MMP16: variants seen among roughly 807,000 people sequenced by gnomAD.
MMP16 encodes the protein matrix metallopeptidase 16, also known as matrix metalloproteinase-16.
MMP16 carries 12 observed loss-of-function variants against 67.8 expected under a neutral mutation model. The observed-to-expected ratio is 0.18, with a 90% CI of 0.11 to 0.29. The LOEUF (loss-of-function observed/expected upper bound fraction) is 0.29. MMP16 is among the 10% of genes least tolerant of loss of function. MMP16 has a pLI of 1.00. For synonymous variants in MMP16, 249 were observed against 255.9 expected (o/e 0.97, Z 0.26); for missense variants, 475 against 765.7 (o/e 0.62, Z 4.48).
intron 1 of MMP16, among the ~76,000 whole-genome samples, chr8:88,258,203 T>C (rs941692686): frequency 1.3e-5 from 2 of 152,184 alleles, no homozygotes; most frequent in African/African-American, 4.8e-5. Context: ...TCCCTCCTGA[T>C]TGCTTTGTCC....
intron 6 of MMP16, among the ~76,000 whole-genome samples, chr8:88,082,425 C>G (rs1808767368): frequency 1.3e-5 from 2 of 152,042 alleles, no homozygotes; most frequent in Admixed American, 1.3e-4. Flanking sequence ...TGTCAATCCA[C>G]TTCAAATTAA....
chr8:88,101,181 G>A (rs1027668112), intron 6 of MMP16, among the ~76,000 whole-genome samples: 1 of 151,678 alleles, frequency 6.6e-6, no homozygotes. Context: ...AAAAAACTCA[G>A]GCTCAACAGT....
chr8:88,307,599 T>C (rs932891429), intron 1 of MMP16, among the ~76,000 whole-genome samples: 4 of 152,060 alleles, frequency 2.6e-5, no homozygotes, highest in Non-Finnish European at 4.4e-5. Flanking sequence ...TCTTAATTCT[T>C]TTTTAGGTTA....
intron 3 of MMP16, 58 bp from the exon 4 acceptor site, chr8:88,168,031 G>GT: frequency 7.5e-7 from 1 of 1,333,586 alleles, no homozygotes; most frequent in Non-Finnish European, 1.0e-6. Context: ...CTTAGTACAG[G>GT]TTTTGATCGA....
chr8:88,045,691 TCA>T (rs774418588), intron 9 of MMP16, among the ~76,000 whole-genome samples: 110 of 152,252 alleles, frequency 7.2e-4, no homozygotes, highest in Non-Finnish European at 1.3e-3. Context: ...TTAAGGTCAA[TCA>T]CAGTTTTCAG....
intron 4 of MMP16, among the ~76,000 whole-genome samples, chr8:88,164,692 T>C (rs1808683390): frequency 6.6e-6 from 1 of 152,016 alleles, no homozygotes; most frequent in Non-Finnish European, 1.5e-5. Context: ...AAAGACATAG[T>C]TTCCTCCAAA....
At chr8:88,108,960 C>CT (rs1437650971) in intron 6 of MMP16, among the ~76,000 whole-genome samples, 7 of 151,186 alleles carry the variant, frequency 4.6e-5, no homozygotes, top group African/African-American at 1.5e-4. Flanking sequence ...ATTAGATCCA[C>CT]TTAATTGAGA....
chr8:88,148,839 C>A (rs569940533), intron 4 of MMP16, among the ~76,000 whole-genome samples: 1 of 152,200 alleles, frequency 6.6e-6, no homozygotes, highest in Non-Finnish European at 1.5e-5. Context: ...ATCAGAAATA[C>A]GTGTATTATG....
intron 1 of MMP16, among the ~76,000 whole-genome samples, chr8:88,297,959 A>G (rs892400305): frequency 1.3e-5 from 2 of 152,212 alleles, no homozygotes; most frequent in Non-Finnish European, 2.9e-5. Context: ...AGGAAATTCA[A>G]TGCAACCAAG....
intron 4 of MMP16, among the ~76,000 whole-genome samples, chr8:88,142,865 A>T (rs2118505457): frequency 6.6e-6 from 1 of 152,320 alleles, no homozygotes; most frequent in Non-Finnish European, 1.5e-5. Flanking sequence ...TGTTAAATAC[A>T]GAAGAATTAA....
At chr8:88,221,951 T>G (rs969553420) in intron 1 of MMP16, among the ~76,000 whole-genome samples, 2 of 152,118 alleles carry the variant, frequency 1.3e-5, no homozygotes, top group African/African-American at 4.8e-5. Context: ...GTTTTTGGCA[T>G]GATATATTAC....
At position 88,303,792 on chromosome 8, in the gene MMP16, A is replaced by G. The variant is rs78615299; in HGVS notation, c.132+23283T>C. ...CATCAACAAAAAACCCTCACAGAAA[A>G]CCCCATTCAAAGATCAGGAACCTCA... On this transcript the variant is annotated intron_variant, in intron 1 of 9. Transcript: ENST00000286614. 6.9e-3 allele frequency among the ~76,000 whole-genome samples: 1,043 copies of G among 152,228 alleles called. 5 individuals carry two copies. The highest frequency in any genetic ancestry group is 0.018 in the South Asian group (85 of 4,820).
intron 2 of MMP16, among the ~76,000 whole-genome samples, chr8:88,196,233 C>T (rs1025925709): frequency 1.3e-4 from 20 of 152,048 alleles, no homozygotes; most frequent in African/African-American, 4.8e-4. Context: ...CATGATCAAA[C>T]TAAGTAACAA....
rs1808356321 is a variant in MMP16 at position 88,058,302 on chromosome 8, T to C, written c.1223-2024A>G. On this transcript the variant is annotated intron_variant, in intron 7 of 9. Coordinates refer to ENST00000286614, the MANE Select transcript of MMP16 (RefSeq NM_005941.5). The surrounding 1 kb of genome is among the most constrained non-coding windows in gnomAD (Gnocchi z 4.2). ...TTTTAAAATGATTTTTGGAGACAAATGGATTATAAAGGGAAGAATGAAAAT... is the reference window on the plus strand; with the variant it reads ...TTTTAAAATGATTTTTGGAGACAAACGGATTATAAAGGGAAGAATGAAAAT... 6.6e-6 allele frequency among the ~76,000 whole-genome samples: 1 copy of C among 152,066 alleles called. No homozygotes were observed. Among genetic ancestry groups the C allele is most frequent in the Non-Finnish European group, 1.5e-5 (1 of 67,992 alleles).
chr8:88,112,666 G>GGTGTGTGAGTGTGTGTGTGTGT (rs1554578644), intron 6 of MMP16, among the ~76,000 whole-genome samples: 11 of 146,790 alleles, frequency 7.5e-5, no homozygotes, highest in African/African-American at 2.8e-4. Flanking sequence ...AGGACAGAAG[G>GGTGTGTGAGTGTGTGTGTGTGT]GTGTGTGTGT....
At chr8:88,221,216 C>A (rs895364345) in intron 1 of MMP16, among the ~76,000 whole-genome samples, 1 of 152,090 alleles carries the variant, frequency 6.6e-6, no homozygotes, top group Non-Finnish European at 1.5e-5. Context: ...CCTAGACAGC[C>A]AGGCAGGTTT....
chr8:88,117,392 G>T (rs551342154), intron 5 of MMP16, among the ~76,000 whole-genome samples: 1 of 152,172 alleles, frequency 6.6e-6, no homozygotes, highest in South Asian at 2.1e-4. Flanking sequence ...ATGTAATTTG[G>T]TACAGATGTA....
intron 1 of MMP16, among the ~76,000 whole-genome samples, chr8:88,318,852 G>A (rs889829675): frequency 6.6e-6 from 1 of 152,044 alleles, no homozygotes; most frequent in Non-Finnish European, 1.5e-5. Context: ...GTGTTCAAAT[G>A]GTATTTCCAT....
chr8:88,206,783 C>T (rs369371100), intron 1 of MMP16, among the ~76,000 whole-genome samples: 1 of 152,030 alleles, frequency 6.6e-6, no homozygotes, highest in African/African-American at 2.4e-5. Context: ...ATCAATTAGC[C>T]TATGATAAAA....
Sources: allele counts gnomAD v4.1 joint callset (sites outside exome capture counted in the v4.1 genomes callset), GRCh38; gene constraint gnomAD v4.1.1; non-coding constraint Gnocchi (gnomAD v3.1); transcripts MANE v1.5; gene names NCBI Gene and HGNC (gene_info 2026-07-23, HGNC 2026-07-21).